The following SHISA9 variants were observed in gnomAD, a reference collection of about 807,000 sequenced individuals.
SHISA9 encodes protein shisa-9.
SHISA9 carries 13 observed loss-of-function variants against 38.0 expected under a neutral mutation model. The observed-to-expected ratio is 0.34, with a 90% CI of 0.22 to 0.54. The LOEUF is 0.54. Ranked by LOEUF, SHISA9 falls within the 20% of genes least tolerant of loss-of-function variation. The pLI is 0.91. For synonymous variants in SHISA9, 275 were observed against 242.0 expected, an observed-to-expected ratio of 1.14 and a Z score of -1.27; for missense variants, 538 against 575.8, an observed-to-expected ratio of 0.93 and a Z score of 0.67.
Position 12,901,925 on chromosome 16 carries a change from C to T in SHISA9, c.-140C>T. ...GCAGTGGCCGCCGACCACCGAGCGC[C>T]CCGCGCCGCTCCCTGCATGTGCGGC... On this transcript the variant is annotated 5_prime_UTR_variant, in exon 1 of 5. Transcript: ENST00000558583. The T allele has an allele frequency of 1.9e-6, 1 of 521,524 alleles. No homozygotes were observed. The highest frequency in any genetic ancestry group is 2.8e-6 in the Non-Finnish European group (1 of 358,388). The allele number at this position is 521,524 out of a possible 1,614,324, so 32.3% of individuals were successfully genotyped here.
chr16:13,302,127 A>T, the SHISA9 span, among the ~76,000 whole-genome samples: 1 of 151,952 alleles, frequency 6.6e-6, no homozygotes, highest in Admixed American at 6.6e-5. Context: ...TAGGACATAG[A>T]TCCTTGTTTC....
At chr16:13,133,478 T>G (rs1232309685) in intron 2 of SHISA9, among the ~76,000 whole-genome samples, 3 of 152,202 alleles carry the variant, frequency 2.0e-5, no homozygotes. Flanking sequence ...CGAATGCTCC[T>G]TACATTTCTA....
chr16:13,120,122 G>A (rs550811692), intron 2 of SHISA9, among the ~76,000 whole-genome samples: 1 of 152,304 alleles, frequency 6.6e-6, no homozygotes, highest in Admixed American at 6.5e-5. Context: ...ACAGATAGGT[G>A]TCTGCAAGTA....
the SHISA9 span, among the ~76,000 whole-genome samples, chr16:13,453,804 T>C: frequency 6.6e-6 from 1 of 152,216 alleles, no homozygotes; most frequent in African/African-American, 2.4e-5. Context: ...TGTTGTCTGA[T>C]AGCTGCATGG....
chr16:12,920,582 A>C (rs1427352954), intron 2 of SHISA9, among the ~76,000 whole-genome samples: 1 of 152,180 alleles, frequency 6.6e-6, no homozygotes, highest in East Asian at 1.9e-4. Context: ...TTCACATTGC[A>C]TGCCTGTATG....
At chr16:13,537,376 C>T in the SHISA9 span, among the ~76,000 whole-genome samples, 6 of 149,072 alleles carry the variant, frequency 4.0e-5, no homozygotes, top group Admixed American at 2.0e-4. Context: ...TGCAGTGAGC[C>T]GAGATCACAC....
At chr16:13,366,497 C>G in the SHISA9 span, among the ~76,000 whole-genome samples, 28 of 152,236 alleles carry the variant, frequency 1.8e-4, no homozygotes, top group Admixed American at 7.9e-4. Context: ...GTTACAAGCT[C>G]CCAGGTGACA....
chr16:13,504,601 C>T, the SHISA9 span, among the ~76,000 whole-genome samples: 1 of 152,100 alleles, frequency 6.6e-6, no homozygotes, highest in South Asian at 2.1e-4. Flanking sequence ...GAGATCTTTG[C>T]CTAAGGGAGA....
intron 1 of SHISA9, among the ~76,000 whole-genome samples, chr16:12,913,793 C>T (rs1440811943): frequency 1.3e-5 from 2 of 152,056 alleles, no homozygotes; most frequent in African/African-American, 2.4e-5. Context: ...GCCTCTTTCA[C>T]GGGGAATAAT....
At chr16:13,224,502 T>C (rs1482325696) in intron 4 of SHISA9, among the ~76,000 whole-genome samples, 1 of 152,194 alleles carries the variant, frequency 6.6e-6, no homozygotes, top group Non-Finnish European at 1.5e-5. Flanking sequence ...GGGACTGTCA[T>C]TGGAACTGGA....
the SHISA9 span, among the ~76,000 whole-genome samples, chr16:13,315,924 T>C: frequency 2.6e-5 from 4 of 151,982 alleles, no homozygotes; most frequent in African/African-American, 2.4e-5. Flanking sequence ...TAAGTGAATA[T>C]GGATAAAATT....
chr16:13,143,162 G>A (rs2050417183), intron 2 of SHISA9, among the ~76,000 whole-genome samples: 1 of 151,656 alleles, frequency 6.6e-6, no homozygotes, highest in African/African-American at 2.4e-5. Flanking sequence ...TGTGCTACCA[G>A]GCCTGGCTAA....
intron 1 of SHISA9, chr16:12,908,597 G>C (rs747548489): frequency 2.3e-5 from 36 of 1,551,516 alleles, no homozygotes; most frequent in Non-Finnish European, 2.9e-5. Context: ...CGGATCCTTG[G>C]CCGCTAGGCT....
At chr16:12,988,820 C>T (rs1339024066) in intron 2 of SHISA9, among the ~76,000 whole-genome samples, 2 of 151,948 alleles carry the variant, frequency 1.3e-5, no homozygotes, top group East Asian at 3.9e-4. Flanking sequence ...CCCCTGTGCC[C>T]AGCCTGTATC....
At chr16:13,142,057 T>G (rs2050406494) in intron 2 of SHISA9, among the ~76,000 whole-genome samples, 1 of 152,208 alleles carries the variant, frequency 6.6e-6, no homozygotes, top group African/African-American at 2.4e-5. Context: ...CAGCTTTCTA[T>G]TCTACCTGAA....
Position 12,912,859 on chromosome 16 carries a change from CCTT to C in SHISA9, c.564-3825_564-3823del, listed in dbSNP as rs1345334152. Among the ~76,000 whole-genome samples, 20 of 152,252 alleles carry C rather than the reference CCTT, an allele frequency of 1.3e-4. No homozygotes were observed. The East Asian group carries it at 1.4e-3, about 10-fold the overall frequency. ...GTTGGCCCTCTTCCAGTTCCATTGG[CCTT>C]CTTGCTTGTTCTCCGAATATCTCAG... On this transcript the variant is annotated intron_variant, in intron 1 of 4. Coordinates refer to ENST00000558583, the MANE Select transcript of SHISA9 (RefSeq NM_001145204.3).
chr16:13,530,981 C>T, the SHISA9 span, among the ~76,000 whole-genome samples: 4 of 152,268 alleles, frequency 2.6e-5, no homozygotes, highest in East Asian at 5.8e-4. Context: ...GACTATTTCA[C>T]CCACTTCATG....
At chr16:13,123,766 A>G (rs1184784399) in intron 2 of SHISA9, among the ~76,000 whole-genome samples, 1 of 152,218 alleles carries the variant, frequency 6.6e-6, no homozygotes, top group East Asian at 1.9e-4. Context: ...TTCTTGTGGC[A>G]AAGTGGTAGC....
At chr16:13,074,778 C>T (rs944363841) in intron 2 of SHISA9, among the ~76,000 whole-genome samples, 1 of 151,606 alleles carries the variant, frequency 6.6e-6, no homozygotes, top group Non-Finnish European at 1.5e-5. Context: ...GATTCTCCTG[C>T]CTCAGCCTCC....
Sources: allele counts gnomAD v4.1 joint callset (sites outside exome capture counted in the v4.1 genomes callset), GRCh38; gene constraint gnomAD v4.1.1; transcripts MANE v1.5; gene names NCBI Gene and HGNC (gene_info 2026-07-23, HGNC 2026-07-21).